WDR17: variants seen among roughly 807,000 people sequenced by gnomAD.
WDR17 encodes the protein WD repeat-containing protein 17.
In WDR17, 143 loss-of-function variants were observed where a neutral mutation model predicts 161.7. The observed-to-expected ratio is 0.88, with a 90% confidence interval of 0.77 to 1.02. WDR17 has a LOEUF of 1.02. Among genes scored for constraint, WDR17 ranks in the 50% least tolerant of loss-of-function variants. The pLI is 0.00. For missense variants in WDR17, 1,469 were observed against 1,520.9 expected (o/e 0.97, Z 0.57); for synonymous variants, 517 against 515.6 (o/e 1.00, Z -0.04).
chr4:176,097,268 T>A (rs1737033914), intron 1 of WDR17, among the ~76,000 whole-genome samples: 1 of 152,030 alleles, frequency 6.6e-6, no homozygotes, highest in Non-Finnish European at 1.5e-5. Flanking sequence ...AATTTGTATA[T>A]TTTTATTTTA....
chr4:176,093,887 A>C (rs991568722), intron 1 of WDR17, among the ~76,000 whole-genome samples: 1 of 152,230 alleles, frequency 6.6e-6, no homozygotes, highest in Admixed American at 6.5e-5. Flanking sequence ...TTAATCTGAG[A>C]TTACATAATG....
chr4:176,089,941 T>C (rs1735905711), intron 1 of WDR17, among the ~76,000 whole-genome samples: 1 of 152,266 alleles, frequency 6.6e-6, no homozygotes, highest in Non-Finnish European at 1.5e-5. Context: ...TATGTATAAG[T>C]GGAAACAAGC....
intron 13 of WDR17, among the ~76,000 whole-genome samples, chr4:176,149,258 T>G (rs1443245914): frequency 1.3e-5 from 2 of 152,152 alleles, no homozygotes; most frequent in Non-Finnish European, 2.9e-5. Flanking sequence ...TTCTTTCTTT[T>G]TTTTATTATT....
chr4:176,150,558 A>G lies in WDR17; in HGVS notation c.2269A>G (p.Ile757Val). ...SLLPQNYCKGIMHLKHLIKFR... is the reference protein window; with the variant it reads ...SLLPQNYCKGVMHLKHLIKFR... ...ACTTCCTCAGAACTACTGCAAAGGA[A>G]TAATGCACTTGAAACATCTGATTAA... Residue 757 changes from isoleucine (I) to valine (V), a missense_variant, in exon 16 of 29, where the codon ATA becomes GTA. Transcript: ENST00000508596. 4 of 1,609,852 alleles carry G rather than the reference A, an allele frequency of 2.5e-6. No individual in the cohort carries two copies. The highest frequency in any genetic ancestry group is 2.2e-5 in the East Asian group (1 of 44,660).
intron 15 of WDR17, 120 bp from the exon 16 acceptor site, chr4:176,150,346 CAT>C: frequency 1.4e-6 from 2 of 1,445,800 alleles, no homozygotes; most frequent in Non-Finnish European, 1.8e-6. Context: ...CATGAGATAA[CAT>C]GTAGTTATTT....
chr4:176,120,068 T>A lies in WDR17; in HGVS notation c.509T>A (p.Ile170Asn). Reference sequence around the variant, plus strand: ...AAGGGGAAAGTTGTGTTTGGTCATATTGATGGAAGTCTATCAATTTTTCAT... The same window carrying A: ...AAGGGGAAAGTTGTGTTTGGTCATAATGATGGAAGTCTATCAATTTTTCAT... ...HQKGKVVFGHIDGSLSIFHPG... is the reference protein window; with the variant it reads ...HQKGKVVFGHNDGSLSIFHPG... Residue 170 changes from isoleucine (I) to asparagine (N), a missense_variant, in exon 4 of 29, where the codon ATT becomes AAT. Coordinates refer to ENST00000508596, the MANE Select transcript of WDR17 (RefSeq NM_181265.4). The A allele has an allele frequency of 6.2e-7, 1 of 1,613,876 alleles. No individual in the cohort carries two copies. The highest frequency in any genetic ancestry group is 1.3e-5 in the African/African-American group (1 of 75,058).
Position 176,182,166 on chromosome 4 carries a change from T to G in WDR17, c.*2587T>G, listed in dbSNP as rs1018502725. The G allele has an allele frequency of 6.6e-6, 1 of 152,096 alleles. No homozygotes were observed. Among genetic ancestry groups the G allele is most frequent in the African/African-American group, 2.4e-5 (1 of 41,458 alleles). 9.4% of individuals were successfully genotyped at this position (152,096 alleles called of 1,614,324 possible). A position where few individuals can be genotyped will look rare whatever the true frequency, so the allele number is the denominator to read the frequency against. ...TACCAATAATGTGGACAAATTACTT[T>G]GCAGGTTTAAATATGCCTCTGTAAA... On this transcript the variant is annotated 3_prime_UTR_variant, in exon 29 of 29. Coordinates refer to ENST00000508596, the MANE Select transcript of WDR17 (RefSeq NM_181265.4). The surrounding 1 kb of genome is among the most constrained non-coding windows in gnomAD (Gnocchi z 4.2).
intron 4 of WDR17, among the ~76,000 whole-genome samples, chr4:176,124,301 T>C (rs963818814): frequency 6.6e-6 from 1 of 152,184 alleles, no homozygotes; most frequent in East Asian, 1.9e-4. Context: ...AATTTTTTTT[T>C]CCATATTTCC....
At chr4:176,082,211 A>G (rs888780394) in intron 1 of WDR17, among the ~76,000 whole-genome samples, 2 of 152,138 alleles carry the variant, frequency 1.3e-5, no homozygotes, top group African/African-American at 4.8e-5. Context: ...ATGTCACATT[A>G]ATGAGATAGA....
In WDR17 at chr4:176,174,661, T is replaced by C. The variant is rs762263219; in HGVS notation, c.3392T>C (p.Leu1131Ser). The C allele has an allele frequency of 1.2e-6, 2 of 1,612,618 alleles. No homozygotes were observed. The highest frequency in any genetic ancestry group is 2.2e-5 in the South Asian group (2 of 90,906). The change falls in exon 26 of 29, where the codon TTA becomes TCA. Residue 1131 changes from leucine (L) to serine (S), a missense_variant. Leu to Ser is a moderately radical substitution (Grantham distance 145, BLOSUM62 -2). Transcript: ENST00000508596. ...LLILCGYIGA[L>S]LAIRRQYQSI... ...ATATTATGTGGTTACATTGGTGCAT[T>C]ACTGGCTATCAGAAGACAGTACCAA...
chr4:176,164,665 C>T (rs896012868), intron 22 of WDR17, among the ~76,000 whole-genome samples: 5 of 152,146 alleles, frequency 3.3e-5, no homozygotes, highest in Admixed American at 6.5e-5. Context: ...GCAGCCAACT[C>T]GGGAAAAGAA....
In WDR17 at chr4:176,082,675, A is replaced by G. The variant is rs557524138; in HGVS notation, c.-7+16596A>G. ...AATGGTATGCCTTTTCTCTTAATGC[A>G]AACAATAAATCCCAATGCTTTTTAT... On this transcript the variant is annotated intron_variant, in intron 1 of 28. Coordinates refer to ENST00000508596, the MANE Select transcript of WDR17 (RefSeq NM_181265.4). Among the ~76,000 whole-genome samples the G allele has an allele frequency of 3.3e-5, 5 of 152,314 alleles. No homozygotes were observed. The South Asian group carries it at 8.3e-4, about 25-fold the overall frequency.
intron 1 of WDR17, chr4:176,096,598 T>C (rs1736905492): frequency 6.4e-7 from 1 of 1,563,190 alleles, no homozygotes; most frequent in Non-Finnish European, 8.7e-7. Flanking sequence ...AAGATACATT[T>C]ACTTGTAATT....
At chr4:176,141,025 T>C (rs1297232324) in intron 10 of WDR17, among the ~76,000 whole-genome samples, 3 of 152,160 alleles carry the variant, frequency 2.0e-5, no homozygotes, top group Non-Finnish European at 4.4e-5. Flanking sequence ...GTGGGCCTAA[T>C]AACATTTAAG....
intron 1 of WDR17, among the ~76,000 whole-genome samples, chr4:176,088,839 T>G (rs1735750272): frequency 6.6e-6 from 1 of 152,166 alleles, no homozygotes; most frequent in East Asian, 1.9e-4. Context: ...CTTCTTCATC[T>G]GCTTGTCCCT....
At chr4:176,115,226 G>A (rs967148702) in intron 2 of WDR17, among the ~76,000 whole-genome samples, 1 of 151,858 alleles carries the variant, frequency 6.6e-6, no homozygotes, top group Admixed American at 6.6e-5. Flanking sequence ...CTAATTAATG[G>A]AGGCACACTT....
At chr4:176,138,072 C>T (rs1744691153) in intron 9 of WDR17, among the ~76,000 whole-genome samples, 1 of 151,572 alleles carries the variant, frequency 6.6e-6, no homozygotes, top group East Asian at 1.9e-4. Flanking sequence ...TTAGAACCTG[C>T]TCTCTTGTAT....
intron 1 of WDR17, among the ~76,000 whole-genome samples, chr4:176,078,071 T>C: frequency 6.6e-6 from 1 of 152,126 alleles, no homozygotes; most frequent in East Asian, 1.9e-4. Context: ...CTACTCAGTG[T>C]AATTATCTTG....
intron 19 of WDR17, 139 bp from the exon 20 acceptor site, chr4:176,160,772 T>C: frequency 1.4e-6 from 1 of 739,438 alleles, no homozygotes; most frequent in Non-Finnish European, 2.0e-6. Context: ...TCATTTCTCC[T>C]CAAATTCTAA....
Sources: gnomAD v4.1 joint callset for allele counts (sites outside exome capture counted in the v4.1 genomes callset) on GRCh38, gnomAD v4.1.1 for gene constraint, Gnocchi (gnomAD v3.1) non-coding constraint, MANE v1.5 for transcripts, NCBI Gene and HGNC (gene_info 2026-07-23, HGNC 2026-07-21) for gene names.